The following IARS1 variants were observed in gnomAD, a reference collection of about 807,000 sequenced individuals.
IARS1 encodes the protein isoleucyl-tRNA synthetase 1.
In IARS1, 124 loss-of-function variants were observed where a neutral mutation model predicts 168.2. The observed-to-expected ratio is 0.74, with a 90% CI of 0.64 to 0.86. The LOEUF is 0.86. IARS1 is among the 40% of genes least tolerant of loss of function. The pLI, the probability that IARS1 is intolerant of heterozygous loss-of-function variation, is 0.00. For missense variants in IARS1, 1,452 were observed against 1,515.8 expected (o/e 0.96, Z 0.70); for synonymous variants, 532 against 529.4 (o/e 1.00, Z -0.07).
rs181033409 is a variant in IARS1 at position 92,210,936 on chromosome 9, T to G, written c.3707-47A>C. On this transcript the variant is annotated intron_variant, in intron 33 of 33. Coordinates refer to ENST00000443024, the MANE Select transcript of IARS1 (RefSeq NM_002161.6). ...GAAAAAAAATCAGTATTTTACCTAT[T>G]GGGGGTGAATATTTAAAAAAATGTT... The G allele has an allele frequency of 1.4e-3, 1,680 of 1,204,726 alleles. 2 individuals carry two copies. Among genetic ancestry groups the G allele is most frequent in the Non-Finnish European group, 1.6e-3 (1,265 of 807,524 alleles). 74.6% of individuals were successfully genotyped at this position (1,204,726 alleles called of 1,614,324 possible).
chr9:92,245,054 C>G lies in IARS1; in HGVS notation c.2809G>C (p.Gly937Arg), dbSNP rs1828986279. 1 of 1,614,128 alleles carries G rather than the reference C, an allele frequency of 6.2e-7. No individual in the cohort carries two copies. The highest frequency in any genetic ancestry group is 8.5e-7 in the Non-Finnish European group (1 of 1,179,994). The change falls in exon 27 of 34, where the codon GGC (glycine) becomes CGC (arginine). Residue 937 changes from glycine (G) to arginine (R), a missense_variant. Physicochemically the swap from Gly to Arg is moderately radical, Grantham distance 125. Coordinates refer to ENST00000443024, the MANE Select transcript of IARS1 (RefSeq NM_002161.6). ...ATGTCTTCATCGTGCAATTCATGGC[C>G]TTCCACAACAATGGTCCCTATGGAG... ...FQKTGTIVVE[G>R]HELHDEDIRL...
Position 92,269,877 on chromosome 9 carries a change from CT to C in IARS1, c.1304+7del. The stretch of plus-strand genomic sequence containing the variant: ...AGACACTATGAAGAAACACATCTTA[CT>C]GCTCACCAGTAGCACAGGTCATTGT... On this transcript the variant is annotated splice_region_variant and intron_variant, in intron 13 of 33. Coordinates refer to ENST00000443024, the MANE Select transcript of IARS1 (RefSeq NM_002161.6). 1.3e-6 allele frequency: 2 copies of C among 1,589,590 alleles called. No individual in the cohort carries two copies. The highest frequency in any genetic ancestry group is 1.7e-6 in the Non-Finnish European group (2 of 1,157,910).
chr9:92,211,328 A>C (rs1215694647), intron 33 of IARS1, among the ~76,000 whole-genome samples: 5 of 151,878 alleles, frequency 3.3e-5, no homozygotes, highest in Non-Finnish European at 7.4e-5. Context: ...GAGAGGAAGA[A>C]ACATTATCCA....
intron 1 of IARS1, 136 bp from the exon 2 acceptor site, chr9:92,289,562 A>C (rs995597475): frequency 1.7e-6 from 1 of 605,380 alleles, no homozygotes; most frequent in African/African-American, 1.9e-5. Context: ...CAATTTACAT[A>C]GTGTAATGTA....
At chr9:92,273,080 C>T (rs1833311816) in intron 10 of IARS1, among the ~76,000 whole-genome samples, 1 of 148,184 alleles carries the variant, frequency 6.7e-6, no homozygotes, top group East Asian at 2.0e-4. Flanking sequence ...TGCAGTGAGC[C>T]GAGATCCTGC....
At chr9:92,212,540 A>G (rs982345759) in intron 33 of IARS1, among the ~76,000 whole-genome samples, 1 of 152,234 alleles carries the variant, frequency 6.6e-6, no homozygotes, top group Non-Finnish European at 1.5e-5. Flanking sequence ...ACCAGGTTCA[A>G]TCATGCCACT....
intron 30 of IARS1, among the ~76,000 whole-genome samples, chr9:92,235,512 GA>G (rs1159317957): frequency 4.4e-5 from 6 of 135,404 alleles, no homozygotes; most frequent in Admixed American, 1.5e-4. Flanking sequence ...TAATTACATT[GA>G]TTTTTTTTTT....
At chr9:92,277,674 TAAA>T (rs34636470) in intron 9 of IARS1, among the ~76,000 whole-genome samples, 186 bp downstream of exon 9, 1,501 of 143,616 alleles carry the variant, frequency 0.01, 15 homozygotes, top group African/African-American at 0.026. Flanking sequence ...ACCCTGTTTT[TAAA>T]AAAAAAAAAA....
chr9:92,265,269 G>T, intron 15 of IARS1, 146 bp from the exon 16 acceptor site: 1 of 834,960 alleles, frequency 1.2e-6, no homozygotes, highest in Non-Finnish European at 1.8e-6. Context: ...GGCTTTCAGA[G>T]AGCACCATGA....
intron 16 of IARS1, among the ~76,000 whole-genome samples, chr9:92,263,368 G>A (rs1232318223): frequency 2.0e-5 from 3 of 152,206 alleles, no homozygotes; most frequent in African/African-American, 4.8e-5. Flanking sequence ...GCACCTAGCT[G>A]AAGATGAAGG....
At chr9:92,247,341 G>C (rs775881316) in intron 26 of IARS1, 36 bp downstream of exon 26, 3 of 1,589,308 alleles carry the variant, frequency 1.9e-6, no homozygotes, top group African/African-American at 1.3e-5. Flanking sequence ...TCAGACTCAG[G>C]ACATAAATGG....
intron 25 of IARS1, among the ~76,000 whole-genome samples, chr9:92,248,652 CAAAAAAAAAAA>C (rs886459066): frequency 4.3e-5 from 2 of 46,746 alleles, no homozygotes; most frequent in African/African-American, 7.9e-5. Context: ...GACCCTGTCA[CAAAAAAAAAAA>C]AAAAAAAAAA....
chr9:92,247,230 T>TAAGGAAAGGA, intron 26 of IARS1, 147 bp downstream of exon 26: 2 of 586,318 alleles, frequency 3.4e-6, no homozygotes, highest in South Asian at 5.6e-5. Context: ...GAGAAGAGAG[T>TAAGGAAAGGA]AAGGAAAGGA....
intron 2 of IARS1, among the ~76,000 whole-genome samples, chr9:92,288,857 CTG>C (rs781726150): frequency 6.6e-6 from 1 of 152,140 alleles, no homozygotes; most frequent in Non-Finnish European, 1.5e-5. Flanking sequence ...ATATCTACTA[CTG>C]AGTACCCACT....
chr9:92,229,358 T>TAA (rs1826287218), intron 30 of IARS1, among the ~76,000 whole-genome samples: 1 of 144,830 alleles, frequency 6.9e-6, no homozygotes, highest in East Asian at 2.0e-4. Flanking sequence ...ATATATACAC[T>TAA]ACACACACAC....
intron 17 of IARS1, among the ~76,000 whole-genome samples, chr9:92,262,725 T>C (rs937495243): frequency 6.6e-6 from 1 of 152,236 alleles, no homozygotes; most frequent in African/African-American, 2.4e-5. Flanking sequence ...GTGCTAAGTT[T>C]AGTAAATGCT....
At chr9:92,213,274 G>T (rs187311212) in intron 33 of IARS1, among the ~76,000 whole-genome samples, 1 of 152,146 alleles carries the variant, frequency 6.6e-6, no homozygotes, top group Non-Finnish European at 1.5e-5. Flanking sequence ...TATACAAACC[G>T]GGAAGTCCAA....
chr9:92,270,729 G>C (rs986143242), intron 12 of IARS1, among the ~76,000 whole-genome samples: 2 of 152,134 alleles, frequency 1.3e-5, no homozygotes, highest in African/African-American at 2.4e-5. Flanking sequence ...CGGGGAGGTG[G>C]AGGGTGCAGT....
chr9:92,234,429 T>C (rs9409659), intron 30 of IARS1, among the ~76,000 whole-genome samples: 17,133 of 152,264 alleles, frequency 0.11, 1,105 homozygotes, highest in South Asian at 0.22. Flanking sequence ...CATTTAAAGC[T>C]ATTACTAAGA....
Sources: gnomAD v4.1 joint callset for allele counts (sites outside exome capture counted in the v4.1 genomes callset) on GRCh38, gnomAD v4.1.1 for gene constraint, MANE v1.5 for transcripts, NCBI Gene and HGNC (gene_info 2026-07-23, HGNC 2026-07-21) for gene names.